The following DNAAF2 variants were observed in gnomAD, a reference collection of about 807,000 sequenced individuals.
DNAAF2 encodes protein kintoun.
Under a neutral mutation model 48.8 loss-of-function variants are expected in DNAAF2, and 58 were observed. The ratio of observed to expected loss-of-function variants is 1.19; its 90% CI spans 0.96 to 1.48. The LOEUF (loss-of-function observed/expected upper bound fraction) is 1.48, where lower values mean the gene tolerates loss of function less well. DNAAF2 is among the 40% of genes most tolerant of loss of function. The pLI, the probability that DNAAF2 is intolerant of heterozygous loss-of-function variation, is 0.00. For synonymous variants in DNAAF2, 567 were observed against 481.2 expected (o/e 1.18, Z -2.33); for missense variants, 1,241 against 1,116.1 (o/e 1.11, Z -1.59).
chr14:49,634,246 C>T lies in DNAAF2; in HGVS notation c.904G>A (p.Val302Ile). 1 of 1,612,428 alleles carries T rather than the reference C, an allele frequency of 6.2e-7. No homozygotes were observed. Among genetic ancestry groups the T allele is most frequent in the South Asian group, 1.1e-5 (1 of 91,088 alleles). Residue 302 changes from valine (V) to isoleucine (I), a missense_variant, in exon 1 of 3, where the codon GTA becomes ATA. Physicochemically the swap from Val to Ile is conservative, Grantham distance 29. Transcript: ENST00000298292. The part of the protein sequence containing the change: ...LRSAEQAALE[V>I]TRKLLCLDSR... ...TCGAGGCACAGCAGCTTTCTCGTTACCTCCAGCGCCGCCTGCTCGGCCGAG... is the reference window on the plus strand; with the variant it reads ...TCGAGGCACAGCAGCTTTCTCGTTATCTCCAGCGCCGCCTGCTCGGCCGAG...
intron 2 of DNAAF2, among the ~76,000 whole-genome samples, chr14:49,627,429 G>A (rs1322002270): frequency 1.3e-5 from 2 of 152,188 alleles, no homozygotes; most frequent in African/African-American, 4.8e-5. Flanking sequence ...AAAAAAGATT[G>A]TATGTCCCTG....
chr14:49,629,745 GTCC>G (rs1196059648), intron 1 of DNAAF2: 3 of 151,792 alleles, frequency 2.0e-5, no homozygotes, highest in Non-Finnish European at 4.4e-5. Flanking sequence ...GATTCAAGCT[GTCC>G]TCCTACCTTG....
chr14:49,627,750 G>A (rs1883046246), intron 2 of DNAAF2, among the ~76,000 whole-genome samples: 3 of 151,872 alleles, frequency 2.0e-5, no homozygotes, highest in Non-Finnish European at 4.4e-5. Context: ...AGCTACTTGG[G>A]AGGCTGAGGC....
Position 49,627,846 on chromosome 14 carries a change from C to T in DNAAF2, c.2007+166G>A, listed in dbSNP as rs182341533. On this transcript the variant is annotated intron_variant, in intron 2 of 2. Transcript: ENST00000298292. ...CTTCAGCCTGGGTGACAGAGGGAGA[C>T]TCCATCTCAAAAAAAAAAAAAAGAA... 1.1e-3 allele frequency among the ~76,000 whole-genome samples: 166 copies of T among 149,426 alleles called. 3 individuals are homozygous for T. The East Asian group carries it at 0.018, about 16-fold the overall frequency.
chr14:49,625,840 A>G lies in DNAAF2; in HGVS notation c.2216T>C (p.Ile739Thr), dbSNP rs765296644. 6.2e-7 allele frequency: 1 copy of G among 1,609,280 alleles called. No homozygotes were observed. Among genetic ancestry groups the G allele is most frequent in the Non-Finnish European group, 8.5e-7 (1 of 1,178,706 alleles). The part of the protein sequence containing the change: ...QQESLDVSQM[I>T]LGKSQQPESK... ...CTCAGGTTGCTGAGATTTTCCAAGT[A>G]TCATTTGAGAAACATCAAGAGACTC... The change falls in exon 3 of 3, where the codon ATA becomes ACA. Residue 739 changes from isoleucine to threonine, a missense_variant. Transcript: ENST00000298292.
rs1300697377 is a variant in DNAAF2, at chr14:49,634,079, G to T, written c.1071C>A (p.Pro357=). ...PVVLPAARRE[P]AVAVAAAAPE... ...GCGCGGCGGCGGCGACGGCGACAGC[G>T]GGCTCCCGGCGCGCGGCCGGCAGCA... is the stretch of plus-strand genomic sequence containing the variant. The change falls in exon 1 of 3, where the codon CCC becomes CCA. Residue 357 remains proline, a synonymous_variant. Coordinates refer to ENST00000298292, the MANE Select transcript of DNAAF2 (RefSeq NM_018139.3). 1.3e-6 allele frequency: 2 copies of T among 1,537,152 alleles called. No individual in the cohort carries two copies. The highest frequency in any genetic ancestry group is 8.7e-7 in the Non-Finnish European group (1 of 1,143,254).
In DNAAF2 at chr14:49,634,135, G is replaced by A. The variant is rs770686606; in HGVS notation, c.1015C>T (p.Arg339Trp). 1 of 1,570,686 alleles carries A rather than the reference G, an allele frequency of 6.4e-7. No individual in the cohort carries two copies. Among genetic ancestry groups the A allele is most frequent in the East Asian group, 2.4e-5 (1 of 42,262 alleles). Residue 339 changes from arginine (R) to tryptophan (W), a missense_variant, in exon 1 of 3, where the codon CGG (arginine) becomes TGG (tryptophan). Transcript: ENST00000298292. ...GRGKAQFNKA[R>W]RQLVVTLPVV... ...GGCAGCGTAACCACCAGCTGCCGCC[G>A]GGCCTTGTTGAATTGTGCCTTGCCG...
chr14:49,626,377 T>C (rs958220354), intron 2 of DNAAF2, among the ~76,000 whole-genome samples: 3 of 152,000 alleles, frequency 2.0e-5, no homozygotes, highest in African/African-American at 7.2e-5. Context: ...TAATCCCCTC[T>C]ACTTGAGAGG....
intron 1 of DNAAF2, among the ~76,000 whole-genome samples, chr14:49,631,601 C>T (rs553145188): frequency 4.6e-5 from 7 of 152,142 alleles, no homozygotes; most frequent in South Asian, 2.1e-4. Flanking sequence ...CCAGTCTGGG[C>T]GACGGTGCAA....
At chr14:49,627,295 C>A (rs183361213) in intron 2 of DNAAF2, among the ~76,000 whole-genome samples, 21 of 152,166 alleles carry the variant, frequency 1.4e-4, no homozygotes, top group Non-Finnish European at 2.4e-4. Context: ...ATATGTCTGT[C>A]GATTGTGGTA....
chr14:49,628,143 CAAAT>C lies in DNAAF2; in HGVS notation c.1872_1875del (p.Phe625SerfsTer14). 7 of 1,583,260 alleles carry C rather than the reference CAAAT, an allele frequency of 4.4e-6. No individual in the cohort carries two copies. The highest frequency in any genetic ancestry group is 6.0e-6 in the Non-Finnish European group (7 of 1,163,876). On this transcript the variant is annotated frameshift_variant, in exon 2 of 3. Coordinates refer to ENST00000298292, the MANE Select transcript of DNAAF2 (RefSeq NM_018139.3). LOFTEE classifies it high-confidence loss of function. The stretch of plus-strand genomic sequence containing the variant: ...AACTCATTAACATTTTCTTCATTGA[CAAAT>C]AACCTTTCCTAAAATAAAAAGGGAA...
At chr14:49,629,737 T>G (rs1176305129) in intron 1 of DNAAF2, 1 of 151,802 alleles carries the variant, frequency 6.6e-6, no homozygotes, top group Non-Finnish European at 1.5e-5. Flanking sequence ...AACTCCTGGA[T>G]TCAAGCTGTC....
At position 49,625,497 on chromosome 14, in the gene DNAAF2, G is replaced by C. The variant is rs777482756; in HGVS notation, c.*45C>G. On this transcript the variant is annotated 3_prime_UTR_variant, in exon 3 of 3. Transcript: ENST00000298292. ...GTTAACAGAATCAATTTTAGATACA[G>C]GTATTTTTTAACCTTAATATTTAAA... 1 of 1,260,914 alleles carries C rather than the reference G, an allele frequency of 7.9e-7. No homozygotes were observed. Among genetic ancestry groups the C allele is most frequent in the Non-Finnish European group, 1.0e-6 (1 of 954,890 alleles). 78.1% of individuals were successfully genotyped at this position (1,260,914 alleles called of 1,614,324 possible). A position where few individuals can be genotyped will look rare whatever the true frequency, so the allele number is the denominator to read the frequency against.
At position 49,635,026 on chromosome 14, in the gene DNAAF2, C is replaced by T. The variant is rs762189769; in HGVS notation, c.124G>A (p.Glu42Lys). The change falls in exon 1 of 3, where the codon GAG (glutamate) becomes AAG (lysine). Residue 42 changes from glutamate to lysine, a missense_variant. Coordinates refer to ENST00000298292, the MANE Select transcript of DNAAF2 (RefSeq NM_018139.3). The stretch of plus-strand genomic sequence containing the variant: ...CGCCGGTTCTCCGGGTCGGTGAGCT[C>T]CTCGGCGTACTGGGAGAACATTCGC... ...FRRMFSQYAE[E>K]LTDPENRRRY... 2.5e-6 allele frequency: 4 copies of T among 1,574,710 alleles called. No individual in the cohort carries two copies. Among genetic ancestry groups the T allele is most frequent in the Non-Finnish European group, 3.4e-6 (4 of 1,160,784 alleles).
chr14:49,632,714 T>C (rs889283263), intron 1 of DNAAF2, among the ~76,000 whole-genome samples: 1 of 152,066 alleles, frequency 6.6e-6, no homozygotes, highest in African/African-American at 2.4e-5. Flanking sequence ...CCCAAAGTGC[T>C]GGGATTACAA....
Position 49,634,307 on chromosome 14 carries a change from A to G in DNAAF2, c.843T>C (p.His281=), listed in dbSNP as rs753291588. Reference sequence around the variant, plus strand: ...GCAGTTCGATGGTGATCACCAGCTCATGGGGCACGGGGCTCGGGGCTGAGT... The same window carrying G: ...GCAGTTCGATGGTGATCACCAGCTCGTGGGGCACGGGGCTCGGGGCTGAGT... The part of the protein sequence containing the change: ...SRDSAPSPVP[H]ELVITIELPL... The change falls in exon 1 of 3, where the codon CAT becomes CAC. Residue 281 remains histidine (H), a synonymous_variant. Transcript: ENST00000298292. The G allele has an allele frequency of 1.9e-6, 3 of 1,611,856 alleles. No individual in the cohort carries two copies. Among genetic ancestry groups the G allele is most frequent in the Non-Finnish European group, 1.7e-6 (2 of 1,179,732 alleles).
chr14:49,628,682 T>G (rs561534629), intron 1 of DNAAF2, among the ~76,000 whole-genome samples: 94 of 152,300 alleles, frequency 6.2e-4, no homozygotes, highest in African/African-American at 2.2e-3. Context: ...CTTGAACTCC[T>G]GACCTCAAGC....
rs1410599329 is a variant in DNAAF2, at chr14:49,633,452, T to C, written c.1698A>G (p.Leu566=). The C allele has an allele frequency of 6.2e-6, 10 of 1,614,082 alleles. No homozygotes were observed. In the East Asian group the frequency reaches 8.9e-5, roughly 14 times the overall value. The change falls in exon 1 of 3, where the codon TTA becomes TTG. Residue 566 remains leucine (L), a synonymous_variant. Coordinates refer to ENST00000298292, the MANE Select transcript of DNAAF2 (RefSeq NM_018139.3). The part of the protein sequence containing the change: ...WYKLRFSAQD[L]VYSFFLQFAP... ...CAAATTGCAAAAAGAAGGAATAAAC[T>C]AAGTCTTGTGCGGAGAAGCGTAATT... is the stretch of plus-strand genomic sequence containing the variant.
chr14:49,628,154 T>C lies in DNAAF2; in HGVS notation c.1865A>G (p.Glu622Gly). 1 of 1,575,126 alleles carries C rather than the reference T, an allele frequency of 6.3e-7. No homozygotes were observed. Among genetic ancestry groups the C allele is most frequent in the Non-Finnish European group, 8.6e-7 (1 of 1,160,062 alleles). The change falls in exon 2 of 3, where the codon GAA becomes GGA. Residue 622 changes from glutamate (E) to glycine (G), a missense_variant and splice_region_variant. Transcript: ENST00000298292. The stretch of plus-strand genomic sequence containing the variant: ...ATTTTCTTCATTGACAAATAACCTT[T>C]CCTAAAATAAAAAGGGAAAAAATAT... Reference protein sequence around the residue: ...YYGVNNDSLEERLFVNEENVN... With the variant: ...YYGVNNDSLEGRLFVNEENVN...
Sources: allele counts gnomAD v4.1 joint callset (sites outside exome capture counted in the v4.1 genomes callset), GRCh38; gene constraint gnomAD v4.1.1; transcripts MANE v1.5; gene names NCBI Gene and HGNC (gene_info 2026-07-23, HGNC 2026-07-21).